XKR5: variants seen among roughly 807,000 people sequenced by gnomAD.
XKR5 encodes XK-related protein 5.
Under a neutral mutation model 40.8 loss-of-function variants are expected in XKR5, and 46 were observed. The observed-to-expected ratio is 1.13, with a 90% CI of 0.89 to 1.44. The LOEUF (loss-of-function observed/expected upper bound fraction) is 1.44, where lower values mean the gene tolerates loss of function less well. Ranked by LOEUF, XKR5 falls within the 40% of genes most tolerant of loss-of-function variation. The pLI is 0.00. For synonymous variants in XKR5, 466 were observed against 356.1 expected (o/e 1.31, Z -3.48); for missense variants, 1,169 against 844.7 (o/e 1.38, Z -4.76).
intron 2 of XKR5, 95 bp downstream of exon 2, chr8:6,832,622 T>C: frequency 2.6e-6 from 4 of 1,512,858 alleles, no homozygotes; most frequent in South Asian, 2.4e-5. Flanking sequence ...GCTGAACTTT[T>C]ATGAGCTTGA....
intron 5 of XKR5, among the ~76,000 whole-genome samples, chr8:6,819,271 G>C (rs940389169): frequency 6.6e-6 from 1 of 152,188 alleles, no homozygotes; most frequent in South Asian, 2.1e-4. Context: ...CTGCTGTCTC[G>C]AGGGCTGGGG....
In XKR5 at chr8:6,825,205, T is replaced by A. The variant is rs369517099; in HGVS notation, c.387A>T (p.Thr129=). 2 of 1,613,300 alleles carry A rather than the reference T, an allele frequency of 1.2e-6. No homozygotes were observed. The highest frequency in any genetic ancestry group is 1.7e-5 in the Admixed American group (1 of 59,938). ...LQTGPHLLLQ[T]YVFLASDFTD... is the part of the protein sequence containing the mutation. ...TGAAGTCTGAGGCTAGAAAAACATA[T>A]GTCTGAAGCAGCAGGTGGGGCCCAG... Residue 129 remains threonine (T), a synonymous_variant, in exon 3 of 7, where the codon ACA becomes ACT. Transcript: ENST00000618742.
chr8:6,812,756 G>C (rs1483164161), intron 6 of XKR5, among the ~76,000 whole-genome samples: 1 of 152,120 alleles, frequency 6.6e-6, no homozygotes, highest in Non-Finnish European at 1.5e-5. Context: ...TCAATACAGT[G>C]GTTGATGGGT....
intron 6 of XKR5, among the ~76,000 whole-genome samples, chr8:6,813,780 G>A (rs555084361): frequency 2.6e-4 from 39 of 152,194 alleles, no homozygotes; most frequent in Admixed American, 6.5e-4. Context: ...CAGCTGTGCC[G>A]TGGGCCAGCA....
chr8:6,822,070 C>G, intron 4 of XKR5, 32 bp from the exon 5 acceptor site: 1 of 1,574,996 alleles, frequency 6.3e-7, no homozygotes, highest in Non-Finnish European at 8.6e-7. Flanking sequence ...ACGTCAGGGT[C>G]CATGCAAGGA....
intron 2 of XKR5, among the ~76,000 whole-genome samples, chr8:6,831,842 T>C (rs1221087807): frequency 3.3e-5 from 5 of 151,910 alleles, no homozygotes; most frequent in Non-Finnish European, 7.4e-5. Context: ...AGTGAAACCC[T>C]GTTTCGACTA....
Position 6,824,535 on chromosome 8 carries a change from A to G in XKR5, c.427+630T>C, listed in dbSNP as rs548622636. Among the ~76,000 whole-genome samples, 7 of 152,120 alleles carry G rather than the reference A, an allele frequency of 4.6e-5. No individual in the cohort carries two copies. The East Asian group carries it at 1.4e-3, about 29-fold the overall frequency. On this transcript the variant is annotated intron_variant, in intron 3 of 6. Coordinates refer to ENST00000618742, the MANE Select transcript of XKR5 (RefSeq NM_207411.5). ...TCTGGCTTTGTTAAGAATTATTATT[A>G]TTATTATTATTTTGAGACAGGGTCT...
intron 1 of XKR5, among the ~76,000 whole-genome samples, chr8:6,834,404 C>A (rs1443552840): frequency 6.6e-6 from 1 of 152,260 alleles, no homozygotes; most frequent in African/African-American, 2.4e-5. Flanking sequence ...CCTGCGGCAG[C>A]CTCCCTTGCA....
chr8:6,821,056 G>A (rs1328985245), intron 5 of XKR5, among the ~76,000 whole-genome samples: 2 of 152,198 alleles, frequency 1.3e-5, no homozygotes, highest in African/African-American at 4.8e-5. Flanking sequence ...ACACTGAGAG[G>A]GGGGTGACTT....
intron 4 of XKR5, among the ~76,000 whole-genome samples, chr8:6,822,364 C>G (rs1804280003): frequency 6.6e-6 from 1 of 152,192 alleles, no homozygotes; most frequent in African/African-American, 2.4e-5. Context: ...AGTTATAAAA[C>G]TGACTGCCAA....
At chr8:6,817,084 G>A (rs1180110591) in intron 5 of XKR5, among the ~76,000 whole-genome samples, 3 of 152,048 alleles carry the variant, frequency 2.0e-5, no homozygotes, top group Non-Finnish European at 4.4e-5. Context: ...TCCCAACTCC[G>A]TCACCTGCCT....
chr8:6,817,609 C>T (rs562705879), intron 5 of XKR5, among the ~76,000 whole-genome samples: 2 of 152,264 alleles, frequency 1.3e-5, no homozygotes, highest in African/African-American at 2.4e-5. Context: ...CCTGAGAAAG[C>T]GCAGTGCTGC....
At position 6,808,815 on chromosome 8, in the gene XKR5, C is replaced by G. The variant is rs904619427; in HGVS notation, c.*2383G>C. 3 of 152,178 alleles carry G rather than the reference C, an allele frequency of 2.0e-5. No individual in the cohort carries two copies. The East Asian group carries it at 5.8e-4, about 29-fold the overall frequency. The allele number at this position is 152,178 out of a possible 1,614,324, so 9.4% of individuals were successfully genotyped here. A position where few individuals can be genotyped will look rare whatever the true frequency, so the allele number is the denominator to read the frequency against. On this transcript the variant is annotated 3_prime_UTR_variant, in exon 7 of 7. Coordinates refer to ENST00000618742, the MANE Select transcript of XKR5 (RefSeq NM_207411.5). ...AAAAGAATGAGCAAATTCCCCATAT[C>G]CCACCCTTACTTTTACCCCATAACA... is the stretch of plus-strand genomic sequence containing the variant.
chr8:6,827,779 G>A (rs1804580248), intron 2 of XKR5, among the ~76,000 whole-genome samples: 1 of 152,260 alleles, frequency 6.6e-6, no homozygotes, highest in East Asian at 1.9e-4. Flanking sequence ...AGGCCCACCT[G>A]CTACAGACCA....
rs536727778 is a variant in XKR5 at position 6,834,387 on chromosome 8, C to G, written c.58+1049G>C. Among the ~76,000 whole-genome samples the G allele has an allele frequency of 1.1e-3, 161 of 152,352 alleles. 1 individual carries two copies. Among genetic ancestry groups the G allele is most frequent in the African/African-American group, 3.7e-3 (152 of 41,592 alleles). ...AGGCTGGGTCCGGCTGTCACCACCCCGAGCGTCCTGCGGCAGCCTCCCTTG... is the reference window on the plus strand; with the variant it reads ...AGGCTGGGTCCGGCTGTCACCACCCGGAGCGTCCTGCGGCAGCCTCCCTTG... On this transcript the variant is annotated intron_variant, in intron 1 of 6. Transcript: ENST00000618742.
intron 1 of XKR5, among the ~76,000 whole-genome samples, chr8:6,834,594 G>T (rs561185582): frequency 4.6e-5 from 7 of 152,318 alleles, no homozygotes; most frequent in Admixed American, 1.3e-4. Context: ...TGCTCGGCGC[G>T]CCTCGGAAGC....
chr8:6,832,971 C>T (rs1804841346), intron 1 of XKR5, 71 bp from the exon 2 acceptor site: 1 of 1,320,176 alleles, frequency 7.6e-7, no homozygotes, highest in African/African-American at 1.5e-5. Flanking sequence ...GCATTTTAAA[C>T]AACTGAACAT....
In XKR5 at chr8:6,812,076, C is replaced by G. The variant is rs1294052966; in HGVS notation, c.1183G>C (p.Val395Leu). Reference protein sequence around the residue: ...PEAGLGTQVAVEDSFLSHHHW... With the variant: ...PEAGLGTQVALEDSFLSHHHW... The stretch of plus-strand genomic sequence containing the variant: ...TGATGACTGAGGAAAGAGTCCTCCA[C>G]AGCAACCTGGGTCCCCAGCCCAGCC... The change falls in exon 7 of 7, where the codon GTG becomes CTG. Residue 395 changes from valine (V) to leucine (L), a missense_variant. Val to Leu is a conservative substitution (Grantham distance 32). Coordinates refer to ENST00000618742, the MANE Select transcript of XKR5 (RefSeq NM_207411.5). The G allele has an allele frequency of 1.3e-6, 2 of 1,541,638 alleles. No individual in the cohort carries two copies. Among genetic ancestry groups the G allele is most frequent in the Admixed American group, 3.9e-5 (2 of 51,014 alleles).
intron 5 of XKR5, among the ~76,000 whole-genome samples, chr8:6,818,373 G>A (rs1272524489): frequency 1.3e-5 from 2 of 152,174 alleles, no homozygotes; most frequent in Admixed American, 1.3e-4. Context: ...GGTTTTGATA[G>A]CGTCACTTCT....
Sources: allele counts gnomAD v4.1 joint callset (sites outside exome capture counted in the v4.1 genomes callset), GRCh38; gene constraint gnomAD v4.1.1; transcripts MANE v1.5; gene names NCBI Gene and HGNC (gene_info 2026-07-23, HGNC 2026-07-21).